The following OLFM2 variants were observed in gnomAD, a reference collection of about 807,000 sequenced individuals.
OLFM2 encodes olfactomedin 2.
OLFM2 carries 20 observed loss-of-function variants against 43.9 expected under a neutral mutation model. That is an observed-to-expected ratio of 0.46 (90% CI 0.32 to 0.66). OLFM2 has a LOEUF of 0.66. Ranked by LOEUF, OLFM2 falls within the 30% of genes least tolerant of loss-of-function variation. OLFM2 has a pLI of 0.04. For synonymous variants in OLFM2, 268 were observed against 278.6 expected (o/e 0.96, Z 0.38); for missense variants, 416 against 643.6 (o/e 0.65, Z 3.83).
chr19:9,915,294 C>G lies in OLFM2; in HGVS notation c.63+21010G>C, dbSNP rs549726761. Among the ~76,000 whole-genome samples the G allele has an allele frequency of 8.9e-5, 13 of 145,444 alleles. No individual in the cohort carries two copies. The South Asian group carries it at 2.6e-3, about 29-fold the overall frequency. On this transcript the variant is annotated intron_variant, in intron 1 of 5. Transcript: ENST00000264833. ...ATCTCGCTATGTTGCCCAGGCTGGTCTCGAACCCCTGGCCTCAATCGATCC... is the reference window on the plus strand; with the variant it reads ...ATCTCGCTATGTTGCCCAGGCTGGTGTCGAACCCCTGGCCTCAATCGATCC...
chr19:9,874,101 G>A (rs77306549), intron 1 of OLFM2, among the ~76,000 whole-genome samples: 205 of 152,056 alleles, frequency 1.3e-3, no homozygotes, highest in Admixed American at 2.1e-3. Context: ...ATCAACATCC[G>A]TGCATCCATT....
intron 1 of OLFM2, among the ~76,000 whole-genome samples, chr19:9,917,023 G>T (rs778725374): frequency 1.3e-4 from 20 of 152,036 alleles, no homozygotes; most frequent in Middle Eastern, 3.2e-3. Context: ...TTTGTCCTGG[G>T]TTCCCTGCCG....
chr19:9,886,226 A>G (rs1238779413), intron 1 of OLFM2, among the ~76,000 whole-genome samples: 1 of 152,028 alleles, frequency 6.6e-6, no homozygotes, highest in African/African-American at 2.4e-5. Flanking sequence ...GTTTTTTGAG[A>G]CAGAGTTTCG....
rs547391320 is a variant in OLFM2 at position 9,877,623 on chromosome 19, T to C, written c.64-16829A>G. On this transcript the variant is annotated intron_variant, in intron 1 of 5. Coordinates refer to ENST00000264833, the MANE Select transcript of OLFM2 (RefSeq NM_058164.4). ...AGTAACAGTGTTGAGAGGTAGCACC[T>C]TTAAAGATGAGGTTAGGTGAATTAA... Among the ~76,000 whole-genome samples the C allele has an allele frequency of 5.3e-5, 8 of 152,010 alleles. No homozygotes were observed. The South Asian group carries it at 1.7e-3, about 32-fold the overall frequency.
intron 1 of OLFM2, among the ~76,000 whole-genome samples, chr19:9,865,829 A>C (rs551242913): frequency 1.1e-4 from 17 of 149,712 alleles, no homozygotes; most frequent in East Asian, 3.9e-4. Context: ...AAAAAAAAAA[A>C]AAAAAACAAA....
intron 1 of OLFM2, among the ~76,000 whole-genome samples, chr19:9,909,344 G>A (rs1320173934): frequency 1.3e-5 from 2 of 152,154 alleles, no homozygotes; most frequent in African/African-American, 2.4e-5. Flanking sequence ...CAATACAGCT[G>A]ACAGCTCTTA....
intron 1 of OLFM2, among the ~76,000 whole-genome samples, chr19:9,924,026 C>T (rs764680460): frequency 7.6e-5 from 11 of 144,328 alleles, no homozygotes; most frequent in African/African-American, 2.6e-4. Context: ...CTTGAACCCA[C>T]GAGGTGGAGG....
intron 1 of OLFM2, among the ~76,000 whole-genome samples, chr19:9,893,194 T>A (rs1319392808): frequency 6.6e-6 from 1 of 151,304 alleles, no homozygotes; most frequent in African/African-American, 2.4e-5. Flanking sequence ...AGACAGAGTC[T>A]CGCTCTGTTG....
Position 9,857,563 on chromosome 19 carries a change from T to C in OLFM2, c.361-81A>G. Reference sequence around the variant, plus strand: ...ATGACTCCAACCTCTGACTCATAACTTCACCCTTTGTCTTTGATGCACACC... The same window carrying C: ...ATGACTCCAACCTCTGACTCATAACCTCACCCTTTGTCTTTGATGCACACC... On this transcript the variant is annotated intron_variant, in intron 3 of 5. Coordinates refer to ENST00000264833, the MANE Select transcript of OLFM2 (RefSeq NM_058164.4). This position sits in a 1 kb window ranked among gnomAD's most constrained non-coding sequence, Gnocchi z 5.7. The C allele has an allele frequency of 6.4e-7, 1 of 1,568,398 alleles. No individual in the cohort carries two copies.
chr19:9,922,933 AAAAAGAAAAG>A (rs1001827349), intron 1 of OLFM2, among the ~76,000 whole-genome samples: 1 of 151,928 alleles, frequency 6.6e-6, no homozygotes, highest in Non-Finnish European at 1.5e-5. Context: ...AAAGAAAGAA[AAAAAGAAAAG>A]AAAAGAAAAA....
chr19:9,880,162 C>T (rs924143783), intron 1 of OLFM2, among the ~76,000 whole-genome samples: 4 of 152,126 alleles, frequency 2.6e-5, no homozygotes, highest in Non-Finnish European at 4.4e-5. Flanking sequence ...CTGTGCCTGG[C>T]CCAGAGCCTG....
intron 1 of OLFM2, among the ~76,000 whole-genome samples, chr19:9,925,414 G>A (rs965244910): frequency 2.6e-5 from 4 of 152,052 alleles, no homozygotes; most frequent in African/African-American, 9.7e-5. Flanking sequence ...AAACATTATC[G>A]TAGTTCTTCA....
chr19:9,913,023 C>T (rs1568384464), intron 1 of OLFM2, among the ~76,000 whole-genome samples: 1 of 151,634 alleles, frequency 6.6e-6, no homozygotes, highest in Non-Finnish European at 1.5e-5. Flanking sequence ...CAGGCAGAGA[C>T]CTTGAAGGTG....
intron 1 of OLFM2, among the ~76,000 whole-genome samples, chr19:9,934,506 C>T (rs1380514108): frequency 6.6e-6 from 1 of 151,836 alleles, no homozygotes; most frequent in African/African-American, 2.4e-5. Context: ...TCTAGTGCCC[C>T]CCTAGCAGGG....
In OLFM2 at chr19:9,854,015, A is replaced by G; in HGVS notation, c.*171T>C. The G allele has an allele frequency of 1.6e-6, 1 of 617,840 alleles. No individual in the cohort carries two copies. The allele number at this position is 617,840 out of a possible 1,614,324, so 38.3% of individuals were successfully genotyped here. A position where few individuals can be genotyped will look rare whatever the true frequency, so the allele number is the denominator to read the frequency against. On this transcript the variant is annotated 3_prime_UTR_variant, in exon 6 of 6. Transcript: ENST00000264833. This position sits in a 1 kb window ranked among gnomAD's most constrained non-coding sequence, Gnocchi z 9.5. ...AGATCAATAAAGGAGAAGAGGGGAA[A>G]TTGAAAAAATAGACAGAAATACATA...
intron 1 of OLFM2, among the ~76,000 whole-genome samples, chr19:9,915,436 A>G (rs1315174539): frequency 1.3e-5 from 2 of 152,152 alleles, no homozygotes; most frequent in South Asian, 2.1e-4. Flanking sequence ...AGTAAAGTAC[A>G]TAAGATATTA....
chr19:9,917,799 C>G (rs1414418547), intron 1 of OLFM2, among the ~76,000 whole-genome samples: 6 of 152,142 alleles, frequency 3.9e-5, no homozygotes, highest in Non-Finnish European at 7.3e-5. Flanking sequence ...GTGATCTTAT[C>G]CAAAGGACCT....
At chr19:9,889,052 C>T (rs1188740480) in intron 1 of OLFM2, among the ~76,000 whole-genome samples, 7 of 147,860 alleles carry the variant, frequency 4.7e-5, no homozygotes, top group East Asian at 2.0e-4. Context: ...GGTGACAGAG[C>T]GAGACTCCGT....
rs1439905853 is a variant in OLFM2, at chr19:9,913,636, C to A, written c.63+22668G>T. 5 of 1,260,362 alleles carry A rather than the reference C, an allele frequency of 4.0e-6. No individual in the cohort carries two copies. In the East Asian group the frequency reaches 1.6e-4, roughly 41 times the overall value. 78.1% of individuals were successfully genotyped at this position (1,260,362 alleles called of 1,614,324 possible). On this transcript the variant is annotated intron_variant, in intron 1 of 5. Transcript: ENST00000264833. ...CCGACATCGCGCCTCCGCCTCATGC[C>A]CCGCGGCCGCCCGCCGCGCGTCCCT...
Sources: allele counts gnomAD v4.1 joint callset (sites outside exome capture counted in the v4.1 genomes callset), GRCh38; gene constraint gnomAD v4.1.1; non-coding constraint Gnocchi (gnomAD v3.1); transcripts MANE v1.5; gene names NCBI Gene and HGNC (gene_info 2026-07-23, HGNC 2026-07-21).